The following DLGAP2 variants were observed in gnomAD, a reference collection of about 807,000 sequenced individuals.
DLGAP2 encodes the protein DLG associated protein 2, also known as disks large-associated protein 2.
A neutral mutation model predicts 100.3 loss-of-function variants in DLGAP2; 26 were observed. That is an observed-to-expected ratio of 0.26 (90% CI 0.19 to 0.36). The LOEUF (loss-of-function observed/expected upper bound fraction) is 0.36. Ranked by LOEUF, DLGAP2 falls within the 10% of genes least tolerant of loss-of-function variation. DLGAP2 has a pLI of 1.00. For missense variants in DLGAP2, 1,858 were observed against 1,453.2 expected (o/e 1.28, Z -4.53); for synonymous variants, 886 against 630.1 (o/e 1.41, Z -6.08).
intron 3 of DLGAP2, among the ~76,000 whole-genome samples, chr8:1,361,800 C>A (rs191519015): frequency 6.6e-6 from 1 of 152,338 alleles, no homozygotes; most frequent in East Asian, 1.9e-4. Context: ...GAATCCACCT[C>A]CGTGAGTCAA....
chr8:1,480,796 G>C (rs1269024049), intron 3 of DLGAP2, among the ~76,000 whole-genome samples: 4 of 151,864 alleles, frequency 2.6e-5, no homozygotes, highest in Non-Finnish European at 5.9e-5. Context: ...AACCCGGGAG[G>C]CAGAGGTTGC....
At chr8:784,804 C>T (rs1457304901) in intron 1 of DLGAP2, among the ~76,000 whole-genome samples, 3 of 152,204 alleles carry the variant, frequency 2.0e-5, no homozygotes, top group African/African-American at 7.2e-5. Context: ...TCATAATTAA[C>T]ATGGGAAAGG....
intron 2 of DLGAP2, among the ~76,000 whole-genome samples, chr8:1,206,129 C>T (rs961095412): frequency 2.0e-5 from 3 of 152,190 alleles, no homozygotes; most frequent in Admixed American, 6.5e-5. Context: ...TTACTGTGAG[C>T]TGCTCGGTGG....
chr8:1,214,356 T>A (rs903739255), intron 2 of DLGAP2, among the ~76,000 whole-genome samples: 13 of 152,166 alleles, frequency 8.5e-5, no homozygotes, highest in African/African-American at 3.1e-4. Flanking sequence ...CAGCCCAGGG[T>A]GCTTTCCAGG....
chr8:1,029,658 T>G (rs1401863707), intron 2 of DLGAP2, among the ~76,000 whole-genome samples: 2 of 149,676 alleles, frequency 1.3e-5, no homozygotes, highest in Non-Finnish European at 2.9e-5. Context: ...GAATCTGTGT[T>G]TTAATACTGA....
At chr8:1,062,565 A>C (rs1803118430) in intron 2 of DLGAP2, among the ~76,000 whole-genome samples, 1 of 152,188 alleles carries the variant, frequency 6.6e-6, no homozygotes, top group Non-Finnish European at 1.5e-5. Context: ...CATCAGGTAG[A>C]CAGTAGCCAG....
intron 2 of DLGAP2, among the ~76,000 whole-genome samples, chr8:1,044,580 C>T (rs1457832017): frequency 6.6e-6 from 1 of 152,262 alleles, no homozygotes; most frequent in Non-Finnish European, 1.5e-5. Flanking sequence ...GACACGACGT[C>T]TCTCTAGGCC....
intron 2 of DLGAP2, among the ~76,000 whole-genome samples, chr8:1,145,053 G>C (rs1015798777): frequency 6.6e-6 from 1 of 152,258 alleles, no homozygotes. Context: ...TATTCACCTA[G>C]ATGCAACTTC....
chr8:808,199 C>G (rs1796304459), intron 1 of DLGAP2, among the ~76,000 whole-genome samples: 1 of 152,174 alleles, frequency 6.6e-6, no homozygotes, highest in African/African-American at 2.4e-5. Flanking sequence ...CAGCATCACA[C>G]AGGTTTGGCA....
intron 1 of DLGAP2, among the ~76,000 whole-genome samples, chr8:873,734 T>C (rs1259293615): frequency 2.0e-5 from 3 of 152,192 alleles, no homozygotes; most frequent in Non-Finnish European, 2.9e-5. Flanking sequence ...CTTGGAAGAA[T>C]TTATGAAGCA....
chr8:1,414,618 G>A (rs1323137000), intron 3 of DLGAP2, among the ~76,000 whole-genome samples: 2 of 152,344 alleles, frequency 1.3e-5, no homozygotes, highest in Admixed American at 6.5e-5. Flanking sequence ...GGAGCTGCCC[G>A]GCAGCTGTCT....
chr8:809,558 T>C (rs1796332371), intron 1 of DLGAP2, among the ~76,000 whole-genome samples: 1 of 152,116 alleles, frequency 6.6e-6, no homozygotes, highest in Non-Finnish European at 1.5e-5. Flanking sequence ...AAGTGGTTAC[T>C]TGATGGTGTG....
intron 2 of DLGAP2, among the ~76,000 whole-genome samples, chr8:1,174,680 C>G (rs1797215240): frequency 6.6e-6 from 1 of 151,520 alleles, no homozygotes; most frequent in Non-Finnish European, 1.5e-5. Context: ...ACCATCACCA[C>G]CATCATCATT....
chr8:933,358 G>A (rs1288129253), intron 2 of DLGAP2, among the ~76,000 whole-genome samples: 2 of 151,696 alleles, frequency 1.3e-5, no homozygotes, highest in African/African-American at 4.8e-5. Flanking sequence ...ATGAGGGGAG[G>A]GTGAGGGCAG....
intron 3 of DLGAP2, among the ~76,000 whole-genome samples, chr8:1,460,077 C>T (rs1056306629): frequency 3.3e-5 from 5 of 152,226 alleles, no homozygotes; most frequent in African/African-American, 9.6e-5. Flanking sequence ...GTCAAGAACA[C>T]GTGCAGCGTG....
chr8:1,671,535 T>G (rs10109647), intron 10 of DLGAP2, among the ~76,000 whole-genome samples: 3 of 152,210 alleles, frequency 2.0e-5, no homozygotes, highest in African/African-American at 7.2e-5. Flanking sequence ...TGTCCCGGGG[T>G]GGGGGGTCCT....
chr8:1,617,841 G>C (rs778201945), intron 6 of DLGAP2, among the ~76,000 whole-genome samples: 6 of 152,108 alleles, frequency 3.9e-5, no homozygotes, highest in Non-Finnish European at 8.8e-5. Flanking sequence ...TAACCCAAAA[G>C]AAAGCAAAAA....
At chr8:1,022,205 C>G (rs530356014) in intron 2 of DLGAP2, among the ~76,000 whole-genome samples, 1 of 151,998 alleles carries the variant, frequency 6.6e-6, no homozygotes. Flanking sequence ...ACCACCCACC[C>G]TCCCTGGGAG....
At chr8:1,459,763 G>A (rs1210203034) in intron 3 of DLGAP2, among the ~76,000 whole-genome samples, 3 of 139,774 alleles carry the variant, frequency 2.1e-5, no homozygotes, top group Non-Finnish European at 4.5e-5. Context: ...TTGGCTCACT[G>A]CAACCTCTGC....
Sources: gnomAD v4.1 joint callset for allele counts (sites outside exome capture counted in the v4.1 genomes callset) on GRCh38, gnomAD v4.1.1 for gene constraint, MANE v1.5 for transcripts, NCBI Gene and HGNC (gene_info 2026-07-23, HGNC 2026-07-21) for gene names.